Variants in CRELD1 observed in about 807,000 individuals in gnomAD.
The protein encoded by CRELD1 is CRELD disulfide isomerase 1.
In CRELD1, 42 loss-of-function variants were observed where a neutral mutation model predicts 58.2. The ratio of observed to expected loss-of-function variants is 0.72; its 90% CI spans 0.56 to 0.93. The LOEUF (loss-of-function observed/expected upper bound fraction) is 0.93, where lower values mean the gene tolerates loss of function less well. Ranked by LOEUF, CRELD1 falls within the 40% of genes least tolerant of loss-of-function variation. CRELD1 has a pLI of 0.00. For synonymous variants in CRELD1, 222 were observed against 202.0 expected (o/e 1.10, Z -0.84); for missense variants, 500 against 540.6 (o/e 0.92, Z 0.74).
chr3:9,937,652 G>A lies in CRELD1; in HGVS notation c.348G>A (p.Val116=). 6.2e-7 allele frequency: 1 copy of A among 1,608,834 alleles called. No homozygotes were observed. The highest frequency in any genetic ancestry group is 8.5e-7 in the Non-Finnish European group (1 of 1,178,196). The change falls in exon 4 of 11, where the codon GTG becomes GTA. Residue 116 remains valine, a synonymous_variant. Coordinates refer to ENST00000452070, the MANE Select transcript of CRELD1 (RefSeq NM_001077415.3). The part of the protein sequence containing the change: ...HRLLELSEEL[V]ESWWFHKQQE... ...TGCTGGAGCTGAGTGAGGAGCTGGTGGAGAGCTGGTGGTTTCACAAGTGAG... is the reference window on the plus strand; with the variant it reads ...TGCTGGAGCTGAGTGAGGAGCTGGTAGAGAGCTGGTGGTTTCACAAGTGAG...
At position 9,944,842 on chromosome 3, in the gene CRELD1, C is replaced by G. The variant is rs1263950666; in HGVS notation, c.*263C>G. On this transcript the variant is annotated 3_prime_UTR_variant, in exon 11 of 11. Coordinates refer to ENST00000452070, the MANE Select transcript of CRELD1 (RefSeq NM_001077415.3). ...CAATGTGTGAATTTCAAAAGTTTTT[C>G]CTTAATGGTGGCTGCTAGAGCTTTG... 1 of 513,956 alleles carries G rather than the reference C, an allele frequency of 1.9e-6. No individual in the cohort carries two copies. Among genetic ancestry groups the G allele is most frequent in the Non-Finnish European group, 3.5e-6 (1 of 282,200 alleles). 31.8% of individuals were successfully genotyped at this position (513,956 alleles called of 1,614,324 possible). A position where few individuals can be genotyped will look rare whatever the true frequency, so the allele number is the denominator to read the frequency against.
chr3:9,935,508 A>G (rs913745107), intron 3 of CRELD1, among the ~76,000 whole-genome samples: 1 of 152,186 alleles, frequency 6.6e-6, no homozygotes, highest in Non-Finnish European at 1.5e-5. Flanking sequence ...TGTAAGGGGC[A>G]AGGGCGGAGG....
At chr3:9,939,518 A>G (rs540904956) in intron 5 of CRELD1, among the ~76,000 whole-genome samples, 164 of 151,894 alleles carry the variant, frequency 1.1e-3, no homozygotes, top group Admixed American at 1.7e-3. Flanking sequence ...CTTGAGATCA[A>G]GGAGTGGTGA....
chr3:9,937,729 G>C, intron 4 of CRELD1, 57 bp downstream of exon 4: 1 of 1,230,970 alleles, frequency 8.1e-7, no homozygotes. Context: ...TGGTGATAAG[G>C]CCTGATTTGG....
intron 7 of CRELD1, among the ~76,000 whole-genome samples, chr3:9,941,472 G>C (rs2085363986): frequency 6.6e-6 from 1 of 152,170 alleles, no homozygotes; most frequent in Non-Finnish European, 1.5e-5. Flanking sequence ...TCTTGGAGGA[G>C]GCGTTACTTT....
intron 3 of CRELD1, 50 bp from the exon 4 acceptor site, chr3:9,937,512 G>T: frequency 1.7e-6 from 2 of 1,203,926 alleles, no homozygotes; most frequent in Middle Eastern, 2.4e-4. Flanking sequence ...TGAGGAGGGT[G>T]GTGGGTGGGG....
chr3:9,937,959 T>TA (rs1284603250), intron 4 of CRELD1, 56 bp from the exon 5 acceptor site: 3 of 1,267,656 alleles, frequency 2.4e-6, no homozygotes, highest in African/African-American at 2.9e-5. Context: ...GAACAGCACT[T>TA]ATGACACTAT....
In CRELD1 at chr3:9,938,147, C is replaced by T. The variant is rs765996826; in HGVS notation, c.460+41C>T. 1.9e-5 allele frequency: 27 copies of T among 1,457,404 alleles called. No homozygotes were observed. The African/African-American group carries it at 2.1e-4, about 11-fold the overall frequency. 90.3% of individuals were successfully genotyped at this position (1,457,404 alleles called of 1,614,324 possible). ...GCTCTTGGGGATGGGAGGGGACCAC[C>T]GAGTCCAGGGATCCAGTCCTGGCTC... On this transcript the variant is annotated intron_variant, in intron 5 of 10. Coordinates refer to ENST00000452070, the MANE Select transcript of CRELD1 (RefSeq NM_001077415.3).
rs1156662653 is a variant in CRELD1, at chr3:9,940,985, A to C, written c.596A>C (p.Tyr199Ser). 6.2e-7 allele frequency: 1 copy of C among 1,613,994 alleles called. No homozygotes were observed. ...GCCTGTGGCCAGTGTGGCCTTGGCTACTTTGAGGCAGAACGCAACGCCAGC... is the reference window on the plus strand; with the variant it reads ...GCCTGTGGCCAGTGTGGCCTTGGCTCCTTTGAGGCAGAACGCAACGCCAGC... The part of the protein sequence containing the change: ...GEACGQCGLG[Y>S]FEAERNASHL... Residue 199 changes from tyrosine to serine, a missense_variant, in exon 6 of 11, where the codon TAC becomes TCC. Transcript: ENST00000452070.
At chr3:9,935,241 G>C (rs922367975) in intron 3 of CRELD1, among the ~76,000 whole-genome samples, 1 of 152,322 alleles carries the variant, frequency 6.6e-6, no homozygotes, top group East Asian at 1.9e-4. Flanking sequence ...GTGAAGAAGC[G>C]AGCTATGTGA....
intron 5 of CRELD1, among the ~76,000 whole-genome samples, chr3:9,940,323 G>A (rs768439960): frequency 6.6e-6 from 1 of 152,132 alleles, no homozygotes; most frequent in African/African-American, 2.4e-5. Context: ...AGGCGGCTGG[G>A]AGGTGGAGGT....
chr3:9,944,181 T>G lies in CRELD1; in HGVS notation c.1049-184T>G. 3 of 792,306 alleles carry G rather than the reference T, an allele frequency of 3.8e-6. No individual in the cohort carries two copies. The South Asian group carries it at 4.0e-5, about 11-fold the overall frequency. 49.1% of individuals were successfully genotyped at this position (792,306 alleles called of 1,614,324 possible). On this transcript the variant is annotated intron_variant, in intron 10 of 10. Coordinates refer to ENST00000452070, the MANE Select transcript of CRELD1 (RefSeq NM_001077415.3). Reference sequence around the variant, plus strand: ...ACCTCTCTGAGCCTCACTTTCCCATTTAGTGAGACAGGGATGGTAACTGCC... The same window carrying G: ...ACCTCTCTGAGCCTCACTTTCCCATGTAGTGAGACAGGGATGGTAACTGCC...
chr3:9,943,810 C>T, intron 10 of CRELD1: 1 of 1,612,154 alleles, frequency 6.2e-7, no homozygotes, highest in Non-Finnish European at 8.5e-7. Flanking sequence ...GAGAGCTGTC[C>T]TAGGCCGGGG....
In CRELD1 at chr3:9,944,537, G is replaced by A. The variant is rs768986230; in HGVS notation, c.1221G>A (p.Glu407=). The change falls in exon 11 of 11, where the codon GAG becomes GAA. Residue 407 remains glutamate, a synonymous_variant. Transcript: ENST00000452070. ...CCATGACTGGCTACTGGTTGTCAGA[G>A]CGCAGTGACCGTGTGCTGGAGGGCT... ...VAAMTGYWLS[E]RSDRVLEGFI... 6 of 1,611,384 alleles carry A rather than the reference G, an allele frequency of 3.7e-6. No homozygotes were observed. The highest frequency in any genetic ancestry group is 4.5e-5 in the East Asian group (2 of 44,900).
At position 9,938,053 on chromosome 3, in the gene CRELD1, CAG is replaced by C. The variant is rs2085245573; in HGVS notation, c.409_410del (p.Asp137PhefsTer33). The C allele has an allele frequency of 6.2e-7, 1 of 1,613,902 alleles. No homozygotes were observed. The highest frequency in any genetic ancestry group is 8.5e-7 in the Non-Finnish European group (1 of 1,180,024). On this transcript the variant is annotated frameshift_variant, in exon 5 of 11. Transcript: ENST00000452070. LOFTEE classifies it high-confidence loss of function. ...CCGGACCTCTTCCAGTGGCTGTGCT[CAG>C]ATTCCCTGAAGCTCTGCTGCCCCGC...
In CRELD1 at chr3:9,944,608, C is replaced by T; in HGVS notation, c.*29C>T. The T allele has an allele frequency of 6.4e-7, 1 of 1,562,346 alleles. No individual in the cohort carries two copies. Among genetic ancestry groups the T allele is most frequent in the Non-Finnish European group, 8.6e-7 (1 of 1,157,420 alleles). On this transcript the variant is annotated 3_prime_UTR_variant, in exon 11 of 11. Coordinates refer to ENST00000452070, the MANE Select transcript of CRELD1 (RefSeq NM_001077415.3). ...CGGCCACCACCTGTAGGACCTCCTCCCACCCACGCTGCCCCCAGAGCTTGG... is the reference window on the plus strand; with the variant it reads ...CGGCCACCACCTGTAGGACCTCCTCTCACCCACGCTGCCCCCAGAGCTTGG...
At chr3:9,935,120 G>A (rs1559334322) in intron 3 of CRELD1, 1 of 567,086 alleles carries the variant, frequency 1.8e-6, no homozygotes, top group Non-Finnish European at 3.2e-6. Flanking sequence ...CAGTGAATGA[G>A]TAAGTGAATA....
intron 5 of CRELD1, among the ~76,000 whole-genome samples, chr3:9,938,799 G>A (rs1305411278): frequency 6.6e-6 from 1 of 151,980 alleles, no homozygotes; most frequent in African/African-American, 2.4e-5. Context: ...GGCGGAGCTT[G>A]CAGTGAGCCG....
chr3:9,934,218 G>C, intron 1 of CRELD1: 1 of 586,314 alleles, frequency 1.7e-6, no homozygotes, highest in Non-Finnish European at 3.1e-6. Context: ...CCATGCTAGC[G>C]AGGATAACTT....
Sources: allele counts gnomAD v4.1 joint callset (sites outside exome capture counted in the v4.1 genomes callset), GRCh38; gene constraint gnomAD v4.1.1; transcripts MANE v1.5; gene names NCBI Gene and HGNC (gene_info 2026-07-23, HGNC 2026-07-21).